The following CHST11 variants were observed in gnomAD, a reference collection of about 807,000 sequenced individuals.
CHST11 encodes the protein carbohydrate sulfotransferase 11, also known as C4S-1.
Under a neutral mutation model 30.4 loss-of-function variants are expected in CHST11, and 9 were observed. The ratio of observed to expected loss-of-function variants is 0.30; its 90% CI spans 0.18 to 0.52. The LOEUF (loss-of-function observed/expected upper bound fraction) is 0.52. Ranked by LOEUF, CHST11 falls within the 20% of genes least tolerant of loss-of-function variation. The probability of loss-of-function intolerance (pLI) is 0.97; values close to 1 mark genes in which losing one functional copy is unlikely to be tolerated. For synonymous variants in CHST11, 152 were observed against 187.8 expected (o/e 0.81, Z 1.56); for missense variants, 348 against 460.6 (o/e 0.76, Z 2.24).
At chr12:104,528,325 C>T (rs1303298026) in intron 1 of CHST11, among the ~76,000 whole-genome samples, 1 of 152,196 alleles carries the variant, frequency 6.6e-6, no homozygotes, top group African/African-American at 2.4e-5. Flanking sequence ...CAAGAAGATT[C>T]AAAAGCTAAA....
chr12:104,468,577 G>A (rs565859273), intron 1 of CHST11, among the ~76,000 whole-genome samples: 1 of 152,216 alleles, frequency 6.6e-6, no homozygotes, highest in African/African-American at 2.4e-5. Context: ...GCAGTTTAGT[G>A]ATAGACATTC....
chr12:104,544,063 G>T (rs546284038), intron 1 of CHST11, among the ~76,000 whole-genome samples: 59 of 150,830 alleles, frequency 3.9e-4, no homozygotes, highest in African/African-American at 1.4e-3. Flanking sequence ...GTTTGAGGCT[G>T]CAGTGAGCTA....
Position 104,532,832 on chromosome 12 carries a change from C to G in CHST11, c.119-69074C>G, listed in dbSNP as rs1315695969. Among the ~76,000 whole-genome samples the G allele has an allele frequency of 2.0e-5, 3 of 152,136 alleles. No individual in the cohort carries two copies. The East Asian group carries it at 5.8e-4, about 29-fold the overall frequency. ...CTACAGTTCCCCTCCCCACCCCAGACAGTGGCCCCCACACCCACCATAACC... is the reference window on the plus strand; with the variant it reads ...CTACAGTTCCCCTCCCCACCCCAGAGAGTGGCCCCCACACCCACCATAACC... On this transcript the variant is annotated intron_variant, in intron 1 of 2. Coordinates refer to ENST00000303694, the MANE Select transcript of CHST11 (RefSeq NM_018413.6).
intron 2 of CHST11, among the ~76,000 whole-genome samples, chr12:104,717,526 C>T (rs1435505648): frequency 6.6e-6 from 1 of 152,134 alleles, no homozygotes; most frequent in African/African-American, 2.4e-5. Context: ...GTAATCCCAG[C>T]ACTTTGGGAG....
intron 1 of CHST11, among the ~76,000 whole-genome samples, chr12:104,502,804 G>A (rs1262303646): frequency 1.3e-5 from 2 of 152,190 alleles, no homozygotes; most frequent in African/African-American, 2.4e-5. Flanking sequence ...CACTACGGAG[G>A]CCCAGAACCC....
At chr12:104,740,407 T>C (rs1035286943) in intron 2 of CHST11, among the ~76,000 whole-genome samples, 23 of 152,174 alleles carry the variant, frequency 1.5e-4, no homozygotes, top group African/African-American at 5.1e-4. Flanking sequence ...TGCCCTGGAA[T>C]CCATCCCTGC....
chr12:104,563,590 C>T (rs1332641041), intron 1 of CHST11, among the ~76,000 whole-genome samples: 1 of 152,216 alleles, frequency 6.6e-6, no homozygotes, highest in African/African-American at 2.4e-5. Flanking sequence ...CTTCAACAGT[C>T]ATAATAGCCT....
At position 104,729,830 on chromosome 12, in the gene CHST11, C is replaced by T. The variant is rs865868361; in HGVS notation, c.205-27119C>T. ...AAATGAAGAGGAGGAGCAGCACAGG[C>T]CATCTGGATGGGGGAGCCCCTGGTG... On this transcript the variant is annotated intron_variant, in intron 2 of 2. Coordinates refer to ENST00000303694, the MANE Select transcript of CHST11 (RefSeq NM_018413.6). The surrounding 1 kb of genome is among the most constrained non-coding windows in gnomAD (Gnocchi z 4.0). Among the ~76,000 whole-genome samples the T allele has an allele frequency of 5.3e-5, 8 of 152,118 alleles. No homozygotes were observed. Among genetic ancestry groups the T allele is most frequent in the Middle Eastern group, 3.2e-3 (1 of 316 alleles).
chr12:104,460,502 A>G (rs535523652), intron 1 of CHST11, among the ~76,000 whole-genome samples: 33 of 152,154 alleles, frequency 2.2e-4, no homozygotes, highest in Middle Eastern at 3.4e-3. Context: ...CATCTCTACT[A>G]AAAATACAAA....
intron 2 of CHST11, among the ~76,000 whole-genome samples, chr12:104,681,830 T>C (rs2039798935): frequency 7.4e-6 from 1 of 135,456 alleles, no homozygotes; most frequent in East Asian, 2.1e-4. Flanking sequence ...TTTTGCTTTT[T>C]TTTTTTTTTT....
intron 1 of CHST11, among the ~76,000 whole-genome samples, chr12:104,506,201 T>C (rs1415397252): frequency 6.6e-6 from 1 of 152,240 alleles, no homozygotes; most frequent in Non-Finnish European, 1.5e-5. Context: ...CGAACGCAGA[T>C]AACCAGTTTC....
chr12:104,501,031 C>A (rs1370280654), intron 1 of CHST11, among the ~76,000 whole-genome samples: 11 of 152,148 alleles, frequency 7.2e-5, no homozygotes, highest in Admixed American at 7.2e-4. Context: ...GCAAACAGCA[C>A]CTGCTGTTCA....
intron 1 of CHST11, among the ~76,000 whole-genome samples, chr12:104,488,151 TTTAA>T (rs2037701630): frequency 6.6e-6 from 1 of 152,164 alleles, no homozygotes; most frequent in South Asian, 2.1e-4. Context: ...TTTTTTTCTT[TTTAA>T]TTAAGCTAGC....
intron 1 of CHST11, among the ~76,000 whole-genome samples, chr12:104,541,212 T>C (rs992691002): frequency 2.6e-5 from 4 of 152,148 alleles, no homozygotes; most frequent in Middle Eastern, 3.2e-3. Context: ...TTGTGATTAA[T>C]TGAGAGTCTT....
chr12:104,510,092 C>T (rs1354854001), intron 1 of CHST11, among the ~76,000 whole-genome samples: 1 of 152,174 alleles, frequency 6.6e-6, no homozygotes, highest in African/African-American at 2.4e-5. Flanking sequence ...AAGAGGTCCC[C>T]ATCACTTCTT....
intron 2 of CHST11, among the ~76,000 whole-genome samples, chr12:104,715,730 C>T (rs1047261514): frequency 6.6e-6 from 1 of 152,134 alleles, no homozygotes; most frequent in Non-Finnish European, 1.5e-5. Context: ...GGCTTAGGCT[C>T]CTGTGACTCC....
chr12:104,636,454 T>C (rs1161488200), intron 2 of CHST11, among the ~76,000 whole-genome samples: 1 of 152,238 alleles, frequency 6.6e-6, no homozygotes, highest in Non-Finnish European at 1.5e-5. Flanking sequence ...AGCTCGAAGC[T>C]CCTGTAAAAG....
At chr12:104,549,408 G>T (rs942502270) in intron 1 of CHST11, among the ~76,000 whole-genome samples, 4 of 152,162 alleles carry the variant, frequency 2.6e-5, no homozygotes, top group African/African-American at 4.8e-5. Context: ...GGGAGAAAGA[G>T]GGCAAGAACT....
At chr12:104,542,410 C>CAGCT (rs1236155767) in intron 1 of CHST11, among the ~76,000 whole-genome samples, 3 of 152,204 alleles carry the variant, frequency 2.0e-5, no homozygotes, top group African/African-American at 7.2e-5. Context: ...ATACAATGGA[C>CAGCT]AGCTATTCAT....
Sources: allele counts gnomAD v4.1 joint callset (sites outside exome capture counted in the v4.1 genomes callset), GRCh38; gene constraint gnomAD v4.1.1; non-coding constraint Gnocchi (gnomAD v3.1); transcripts MANE v1.5; gene names NCBI Gene and HGNC (gene_info 2026-07-23, HGNC 2026-07-21).